EBF1: variants seen among roughly 807,000 people sequenced by gnomAD.
EBF1 encodes EBF transcription factor 1, also known as transcription factor COE1.
EBF1 carries 10 observed loss-of-function variants against 68.4 expected under a neutral mutation model. That is an observed-to-expected ratio of 0.15 (90% CI 0.09 to 0.25). The LOEUF (loss-of-function observed/expected upper bound fraction) is 0.25, where lower values mean the gene tolerates loss of function less well. EBF1 is among the 10% of genes least tolerant of loss of function. EBF1 has a pLI of 1.00. For missense variants in EBF1, 509 were observed against 794.4 expected, an observed-to-expected ratio of 0.64 and a Z score of 4.32; for synonymous variants, 298 against 299.8, an observed-to-expected ratio of 0.99 and a Z score of 0.06.
chr5:159,075,910 G>A (rs1226931138), intron 5 of EBF1, among the ~76,000 whole-genome samples: 1 of 152,102 alleles, frequency 6.6e-6, no homozygotes, highest in African/African-American at 2.4e-5. Context: ...TGCCTGGCGG[G>A]CCTCTCCTCC....
In EBF1 at chr5:158,832,989, T is replaced by C. The variant is rs73297982; in HGVS notation, c.636+7040A>G. Reference sequence around the variant, plus strand: ...TAGATAAACATGAGGTAAACATGAGTTTTGTGTTTGCTATTCCCTTTGCTC... The same window carrying C: ...TAGATAAACATGAGGTAAACATGAGCTTTGTGTTTGCTATTCCCTTTGCTC... On this transcript the variant is annotated intron_variant, in intron 7 of 15. Coordinates refer to ENST00000313708, the MANE Select transcript of EBF1 (RefSeq NM_024007.5). 4.4e-3 allele frequency among the ~76,000 whole-genome samples: 675 copies of C among 151,804 alleles called. 8 individuals carry two copies. Among genetic ancestry groups the C allele is most frequent in the African/African-American group, 0.016 (649 of 41,372 alleles).
chr5:158,700,181 C>T (rs919197440), intron 15 of EBF1, among the ~76,000 whole-genome samples: 9 of 152,378 alleles, frequency 5.9e-5, no homozygotes, highest in Non-Finnish European at 1.3e-4. Context: ...AATTGCTTAA[C>T]TTTTCTGAGG....
At chr5:158,899,633 C>T (rs537626676) in intron 6 of EBF1, among the ~76,000 whole-genome samples, 6 of 152,148 alleles carry the variant, frequency 3.9e-5, no homozygotes, top group East Asian at 1.9e-4. Context: ...TATAATGTAA[C>T]GACCAATGCA....
intron 11 of EBF1, among the ~76,000 whole-genome samples, chr5:158,717,153 T>A (rs1271064737): frequency 1.3e-5 from 2 of 152,232 alleles, no homozygotes; most frequent in African/African-American, 2.4e-5. Flanking sequence ...GTAAAAGGCA[T>A]TATAAAAATG....
At chr5:159,044,393 A>G (rs1222557817) in intron 6 of EBF1, among the ~76,000 whole-genome samples, 1 of 152,182 alleles carries the variant, frequency 6.6e-6, no homozygotes, top group Non-Finnish European at 1.5e-5. Context: ...ACTAAAAACT[A>G]TTGTCTGAAT....
At chr5:159,013,502 G>C (rs138560232) in intron 6 of EBF1, among the ~76,000 whole-genome samples, 1 of 152,316 alleles carries the variant, frequency 6.6e-6, no homozygotes, top group African/African-American at 2.4e-5. Flanking sequence ...AGAGAGGCAA[G>C]GAAGGCACTC....
At chr5:158,857,541 G>A (rs952357561) in intron 6 of EBF1, among the ~76,000 whole-genome samples, 1 of 151,992 alleles carries the variant, frequency 6.6e-6, no homozygotes, top group African/African-American at 2.4e-5. Flanking sequence ...ATCCTGCACT[G>A]GGCTATTTAT....
chr5:158,763,472 T>C (rs1044180623), intron 10 of EBF1, among the ~76,000 whole-genome samples: 1 of 152,226 alleles, frequency 6.6e-6, no homozygotes, highest in Non-Finnish European at 1.5e-5. Context: ...TTGGCTTTTC[T>C]GTGGGGCTTT....
rs1357650531 is a variant in EBF1, at chr5:158,698,663, C to CTTTTTTTTT, written c.*439_*447dup. On this transcript the variant is annotated 3_prime_UTR_variant, in exon 16 of 16. Transcript: ENST00000313708. ...AAGCTTTTTTTTTTTTCCTTTTTTT[C>CTTTTTTTTT]TTTTTTTTTTTTTTTACTTTTTTGT... 13 of 151,318 alleles carry CTTTTTTTTT rather than the reference C, an allele frequency of 8.6e-5. No individual in the cohort carries two copies. The highest frequency in any genetic ancestry group is 2.3e-4 in the African/African-American group (8 of 34,358). 9.4% of individuals were successfully genotyped at this position (151,318 alleles called of 1,614,324 possible). A position where few individuals can be genotyped will look rare whatever the true frequency, so the allele number is the denominator to read the frequency against.
chr5:158,704,675 G>C (rs1433541676), intron 15 of EBF1, among the ~76,000 whole-genome samples: 2 of 151,058 alleles, frequency 1.3e-5, no homozygotes, highest in Non-Finnish European at 2.9e-5. Context: ...TAAAGATGAA[G>C]TAATTCTCTG....
chr5:158,886,807 T>A (rs1000730262), intron 6 of EBF1, among the ~76,000 whole-genome samples: 2 of 151,896 alleles, frequency 1.3e-5, no homozygotes, highest in African/African-American at 4.8e-5. Context: ...AGGTCAGGAG[T>A]TCGAGACCAG....
chr5:158,787,904 T>G (rs908390236), intron 9 of EBF1, among the ~76,000 whole-genome samples: 1 of 152,202 alleles, frequency 6.6e-6, no homozygotes, highest in African/African-American at 2.4e-5. Flanking sequence ...CAATTATATC[T>G]AAATATAAAC....
chr5:158,914,958 A>T (rs1342216571), intron 6 of EBF1, among the ~76,000 whole-genome samples: 1 of 152,204 alleles, frequency 6.6e-6, no homozygotes, highest in Non-Finnish European at 1.5e-5. Context: ...TAAATGAATA[A>T]ATTTGAATTG....
intron 6 of EBF1, among the ~76,000 whole-genome samples, chr5:158,932,209 A>G (rs916238967): frequency 6.6e-6 from 1 of 152,252 alleles, no homozygotes; most frequent in Non-Finnish European, 1.5e-5. Flanking sequence ...TTATCAAAGC[A>G]TTATTTATAA....
intron 6 of EBF1, among the ~76,000 whole-genome samples, chr5:158,945,012 T>C (rs1814338599): frequency 6.6e-6 from 1 of 152,218 alleles, no homozygotes; most frequent in Admixed American, 6.5e-5. Flanking sequence ...TTTCTCCCAT[T>C]CTGTAGGTTG....
intron 10 of EBF1, among the ~76,000 whole-genome samples, chr5:158,756,148 G>C (rs993360647): frequency 6.6e-6 from 1 of 152,070 alleles, no homozygotes; most frequent in Non-Finnish European, 1.5e-5. Flanking sequence ...GAGCCCCCCA[G>C]ATTCCAGGCT....
At chr5:158,747,290 G>A (rs756229352) in intron 10 of EBF1, among the ~76,000 whole-genome samples, 1 of 152,174 alleles carries the variant, frequency 6.6e-6, no homozygotes, top group Non-Finnish European at 1.5e-5. Context: ...AAGCGGTTCT[G>A]AGCATTTCAC....
chr5:158,732,821 T>A (rs1238062785), intron 10 of EBF1, among the ~76,000 whole-genome samples: 1 of 152,186 alleles, frequency 6.6e-6, no homozygotes, highest in Non-Finnish European at 1.5e-5. Flanking sequence ...TAGAGTGGCA[T>A]TTTCATTTAA....
chr5:158,862,531 C>T (rs887778835), intron 6 of EBF1, among the ~76,000 whole-genome samples: 1 of 152,132 alleles, frequency 6.6e-6, no homozygotes, highest in Non-Finnish European at 1.5e-5. Flanking sequence ...AAGCCCCCTA[C>T]GTGCCACTAT....
Sources: allele counts gnomAD v4.1 joint callset (sites outside exome capture counted in the v4.1 genomes callset), GRCh38; gene constraint gnomAD v4.1.1; transcripts MANE v1.5; gene names NCBI Gene and HGNC (gene_info 2026-07-23, HGNC 2026-07-21).